The following HK2 variants were observed in gnomAD, a reference collection of about 807,000 sequenced individuals.
HK2 encodes hexokinase-2.
HK2 carries 42 observed loss-of-function variants against 92.9 expected under a neutral mutation model. The observed-to-expected ratio is 0.45, with a 90% confidence interval of 0.35 to 0.58. The LOEUF is 0.58. HK2 is among the 20% of genes least tolerant of loss of function. The pLI is 0.00. For synonymous variants in HK2, 422 were observed against 468.0 expected, an observed-to-expected ratio of 0.90 and a Z score of 1.27; for missense variants, 978 against 1,245.1, an observed-to-expected ratio of 0.79 and a Z score of 3.23.
rs1215545859 is a variant in HK2 at position 74,860,297 on chromosome 2, C to T, written c.226+5842C>T. Among the ~76,000 whole-genome samples the T allele has an allele frequency of 2.0e-5, 3 of 152,050 alleles. No individual in the cohort carries two copies. The South Asian group carries it at 6.2e-4, about 32-fold the overall frequency. ...CTCACTTCACCATTGTGCAGTATAT[C>T]CATGTAACAAAATTATGTTTGCACC... On this transcript the variant is annotated intron_variant, in intron 2 of 17. Coordinates refer to ENST00000290573, the MANE Select transcript of HK2 (RefSeq NM_000189.5).
intron 8 of HK2, among the ~76,000 whole-genome samples, chr2:74,878,404 C>A (rs189192969): frequency 1.5e-5 from 2 of 131,240 alleles, no homozygotes; most frequent in Non-Finnish European, 3.2e-5. Flanking sequence ...TTCTCAACTC[C>A]GTGTGTCTCT....
chr2:74,836,906 A>G (rs920694657), intron 1 of HK2, among the ~76,000 whole-genome samples: 1 of 152,184 alleles, frequency 6.6e-6, no homozygotes, highest in Non-Finnish European at 1.5e-5. Context: ...AATCTTACAT[A>G]TTCTGGGTTG....
intron 8 of HK2, among the ~76,000 whole-genome samples, chr2:74,878,060 G>A (rs1558801597): frequency 6.6e-6 from 1 of 152,130 alleles, no homozygotes; most frequent in Non-Finnish European, 1.5e-5. Flanking sequence ...ATACCCCAAG[G>A]TGATGCAAGT....
chr2:74,873,393 T>G (rs1479249998), intron 5 of HK2, 22 bp downstream of exon 5: 5 of 1,547,438 alleles, frequency 3.2e-6, no homozygotes, highest in African/African-American at 1.4e-5. Context: ...GGCAGGAGCT[T>G]GGGGTCTGTG....
At chr2:74,876,195 C>T (rs3771763) in intron 7 of HK2, among the ~76,000 whole-genome samples, 20,769 of 152,104 alleles carry the variant, frequency 0.14, 1,668 homozygotes, top group Non-Finnish European at 0.17. Context: ...CTGCTGTACT[C>T]GGCCTTGGGT....
At chr2:74,879,463 G>A (rs1689325105) in intron 9 of HK2, among the ~76,000 whole-genome samples, 1 of 152,198 alleles carries the variant, frequency 6.6e-6, no homozygotes, top group Non-Finnish European at 1.5e-5. Context: ...CCAGGTCAAT[G>A]TGCCTTTGTT....
Position 74,880,338 on chromosome 2 carries a change from G to A in HK2, c.1339G>A (p.Asp447Asn). 6.2e-7 allele frequency: 1 copy of A among 1,614,216 alleles called. No homozygotes were observed. The highest frequency in any genetic ancestry group is 8.5e-7 in the Non-Finnish European group (1 of 1,180,044). Residue 447 changes from aspartate to asparagine, a missense_variant, in exon 10 of 18, where the codon GAT becomes AAT. By Grantham distance (23) the Asp-to-Asn change is conservative. Transcript: ENST00000290573. ...GCDVRFLRSEDGSGKGAAMVT... is the reference protein window; with the variant it reads ...GCDVRFLRSENGSGKGAAMVT... ...CGATGTCCGCTTCCTCCGCTCCGAGGATGGCAGTGGCAAAGGTGCAGCCAT... is the reference window on the plus strand; with the variant it reads ...CGATGTCCGCTTCCTCCGCTCCGAGAATGGCAGTGGCAAAGGTGCAGCCAT...
Position 74,836,083 on chromosome 2 carries a change from A to G in HK2, c.63+1440A>G, listed in dbSNP as rs28362964. ...GGGATGTGGCTCTGCACCTTGATTC[A>G]GTTTACTTAAAAACGTGCCTTTGAT... On this transcript the variant is annotated intron_variant, in intron 1 of 17. Transcript: ENST00000290573. Among the ~76,000 whole-genome samples, 289 of 152,320 alleles carry G rather than the reference A, an allele frequency of 1.9e-3. 11 individuals carry two copies. In the East Asian group the frequency reaches 0.05, roughly 26 times the overall value.
chr2:74,893,003 G>C lies in HK2; in HGVS notation c.*2062G>C, dbSNP rs546137941. 15 of 150,414 alleles carry C rather than the reference G, an allele frequency of 1.0e-4. No homozygotes were observed. Among genetic ancestry groups the C allele is most frequent in the African/African-American group, 3.4e-4 (14 of 40,910 alleles). The allele number at this position is 150,414 out of a possible 1,614,324, so 9.3% of individuals were successfully genotyped here. On this transcript the variant is annotated 3_prime_UTR_variant, in exon 18 of 18. Transcript: ENST00000290573. ...TAATTTTAACTTAAATTTTAAGCTT[G>C]AAGATTAGGTACTATCTGTGAAGTT...
Position 74,866,948 on chromosome 2 carries a change from A to G in HK2, c.227-688A>G, listed in dbSNP as rs541028704. Among the ~76,000 whole-genome samples, 10 of 152,230 alleles carry G rather than the reference A, an allele frequency of 6.6e-5. No homozygotes were observed. The South Asian group carries it at 1.7e-3, about 25-fold the overall frequency. On this transcript the variant is annotated intron_variant, in intron 2 of 17. Transcript: ENST00000290573. Reference sequence around the variant, plus strand: ...ATTAGAAAGTAAATTTAGTACTGCAATTGCAATATGCAAACATAATATGCA... The same window carrying G: ...ATTAGAAAGTAAATTTAGTACTGCAGTTGCAATATGCAAACATAATATGCA...
chr2:74,837,727 G>A (rs900134675), intron 1 of HK2, among the ~76,000 whole-genome samples: 3 of 144,104 alleles, frequency 2.1e-5, no homozygotes, highest in Non-Finnish European at 3.0e-5. Context: ...CCAGGCTGGA[G>A]TGCAGTGGCG....
At position 74,880,439 on chromosome 2, in the gene HK2, C is replaced by A. The variant is rs758732543; in HGVS notation, c.1440C>A (p.Ser480Arg). The A allele has an allele frequency of 3.3e-5, 53 of 1,614,088 alleles. No individual in the cohort carries two copies. Among genetic ancestry groups the A allele is most frequent in the Non-Finnish European group, 4.4e-5 (52 of 1,180,038 alleles). ...AGACATTAGAGCATCTGCAGCTGAG[C>A]CATGACCAGCTGCTGGAGGTCAAGA... ...RQKTLEHLQL[S>R]HDQLLEVKRR... The change falls in exon 10 of 18, where the codon AGC becomes AGA. Residue 480 changes from serine (S) to arginine (R), a missense_variant. Transcript: ENST00000290573.
At chr2:74,835,093 G>T in intron 1 of HK2, 2 of 250,838 alleles carry the variant, frequency 8.0e-6, no homozygotes, top group South Asian at 4.3e-5. Flanking sequence ...GTCCGCGCTC[G>T]CGGACCGCGT....
intron 2 of HK2, among the ~76,000 whole-genome samples, chr2:74,855,377 TA>T (rs1558792377): frequency 6.6e-6 from 1 of 152,142 alleles, no homozygotes. Flanking sequence ...GGATACAGAG[TA>T]CTTTTTTTTG....
At chr2:74,866,304 G>C (rs17010464) in intron 2 of HK2, among the ~76,000 whole-genome samples, 26,178 of 152,172 alleles carry the variant, frequency 0.17, 2,823 homozygotes, top group Admixed American at 0.31. Context: ...CTTCAGTGCT[G>C]TTCTCCCACC....
chr2:74,862,671 G>C (rs1301557263), intron 2 of HK2, among the ~76,000 whole-genome samples: 1 of 152,174 alleles, frequency 6.6e-6, no homozygotes, highest in Admixed American at 6.5e-5. Context: ...AAGTTAATTG[G>C]GGTACTTACG....
At chr2:74,861,005 C>T (rs761879714) in intron 2 of HK2, among the ~76,000 whole-genome samples, 23 of 152,178 alleles carry the variant, frequency 1.5e-4, no homozygotes, top group Non-Finnish European at 2.6e-4. Context: ...CTGTAGGCAG[C>T]CCTAATCTGT....
chr2:74,892,244 T>A lies in HK2; in HGVS notation c.*1303T>A, dbSNP rs1689699143. On this transcript the variant is annotated 3_prime_UTR_variant, in exon 18 of 18. Coordinates refer to ENST00000290573, the MANE Select transcript of HK2 (RefSeq NM_000189.5). ...AGATAAAGGAAGTCACCAAAATTTC[T>A]TTTTTTAAATTGTATCTAATCCTCA... 6.6e-6 allele frequency: 1 copy of A among 152,210 alleles called. No homozygotes were observed. Among genetic ancestry groups the A allele is most frequent in the African/African-American group, 2.4e-5 (1 of 41,450 alleles). The allele number at this position is 152,210 out of a possible 1,614,324, so 9.4% of individuals were successfully genotyped here. A position where few individuals can be genotyped will look rare whatever the true frequency, so the allele number is the denominator to read the frequency against.
chr2:74,864,144 C>T (rs191992563), intron 2 of HK2, among the ~76,000 whole-genome samples: 2 of 152,344 alleles, frequency 1.3e-5, no homozygotes, highest in East Asian at 3.9e-4. Context: ...GTGGCAGCAG[C>T]CCTTGAGCTG....
Sources: allele counts gnomAD v4.1 joint callset (sites outside exome capture counted in the v4.1 genomes callset), GRCh38; gene constraint gnomAD v4.1.1; transcripts MANE v1.5; gene names NCBI Gene and HGNC (gene_info 2026-07-23, HGNC 2026-07-21).